SSPN: variants seen among roughly 807,000 people sequenced by gnomAD.
SSPN encodes the protein K-ras oncogene-associated protein.
Under a neutral mutation model 19.1 loss-of-function variants are expected in SSPN, and 15 were observed. The observed-to-expected ratio is 0.78, with a 90% CI of 0.52 to 1.21. The LOEUF (loss-of-function observed/expected upper bound fraction) is 1.21. SSPN is among the 50% of genes most tolerant of loss of function. SSPN has a pLI of 0.00. For missense variants in SSPN, 291 were observed against 314.0 expected, an observed-to-expected ratio of 0.93 and a Z score of 0.55; for synonymous variants, 147 against 140.3, an observed-to-expected ratio of 1.05 and a Z score of -0.34.
intron 1 of SSPN, among the ~76,000 whole-genome samples, chr12:26,221,123 A>C (rs1288521933): frequency 6.6e-6 from 1 of 151,840 alleles, no homozygotes; most frequent in Non-Finnish European, 1.5e-5. Context: ...TTTGCCTTTT[A>C]TTTTTTTTCT....
intron 1 of SSPN, among the ~76,000 whole-genome samples, chr12:26,205,644 G>T (rs1009289750): frequency 1.3e-5 from 2 of 152,170 alleles, no homozygotes; most frequent in African/African-American, 4.8e-5. Context: ...CTCTCAGGGA[G>T]AAACTTGCAG....
chr12:26,139,142 A>C (rs1486016142), intron 1 of SSPN, among the ~76,000 whole-genome samples: 1 of 152,214 alleles, frequency 6.6e-6, no homozygotes, highest in Non-Finnish European at 1.5e-5. Flanking sequence ...ACACTTACAC[A>C]TAAGAATAAA....
chr12:26,128,127 C>T (rs1214362084), intron 1 of SSPN, among the ~76,000 whole-genome samples: 3 of 152,284 alleles, frequency 2.0e-5, no homozygotes, highest in South Asian at 2.1e-4. Flanking sequence ...GGACCCTGGA[C>T]GACTCTTACA....
intron 1 of SSPN, among the ~76,000 whole-genome samples, chr12:26,166,019 A>G (rs1223021222): frequency 1.3e-5 from 2 of 152,184 alleles, no homozygotes; most frequent in African/African-American, 4.8e-5. Flanking sequence ...GATTTTAAGA[A>G]TATGGTTATC....
At chr12:26,193,555 A>G (rs1944801875), upstream of SSPN, among the ~76,000 whole-genome samples, 1 of 152,210 alleles carries the variant, frequency 6.6e-6, no homozygotes, top group African/African-American at 2.4e-5. Flanking sequence ...CCATATTTCC[A>G]TAGGAAAACC....
Position 26,143,782 on chromosome 12 carries a change from G to A in SSPN, c.-31+21630G>A, listed in dbSNP as rs529658267. ...ACAGCAGGAGGTGGGCGGTGGACATGCAAGTAAAGCTTCATCTGTATTTAC... is the reference window on the plus strand; with the variant it reads ...ACAGCAGGAGGTGGGCGGTGGACATACAAGTAAAGCTTCATCTGTATTTAC... On this transcript the variant is annotated intron_variant, in intron 1 of 2. Coordinates refer to the SSPN transcript ENST00000538142. Among the ~76,000 whole-genome samples the A allele has an allele frequency of 5.9e-5, 9 of 152,324 alleles. No individual in the cohort carries two copies. The East Asian group carries it at 1.5e-3, about 26-fold the overall frequency.
chr12:26,198,838 G>T (rs570820123), intron 1 of SSPN, among the ~76,000 whole-genome samples: 1 of 152,142 alleles, frequency 6.6e-6, no homozygotes, highest in African/African-American at 2.4e-5. Flanking sequence ...TTTGGGATAT[G>T]CAGTGATTCA....
upstream of SSPN, among the ~76,000 whole-genome samples, chr12:26,192,661 C>T (rs1944796432): frequency 6.6e-6 from 1 of 152,176 alleles, no homozygotes; most frequent in South Asian, 2.1e-4. Context: ...TGTTGGGAAG[C>T]TGAGCAGGTG....
chr12:26,169,443 G>C (rs1435090618), intron 1 of SSPN, among the ~76,000 whole-genome samples: 1 of 152,082 alleles, frequency 6.6e-6, no homozygotes, highest in Non-Finnish European at 1.5e-5. Context: ...GGGATAGGAG[G>C]CTTAGTATTT....
At chr12:26,141,803 T>A (rs543764993) in intron 1 of SSPN, among the ~76,000 whole-genome samples, 7 of 152,302 alleles carry the variant, frequency 4.6e-5, no homozygotes, top group Non-Finnish European at 7.4e-5. Context: ...GTATGTTTTT[T>A]AAAAAATGCA....
At chr12:26,164,126 C>T (rs1944606700) in intron 1 of SSPN, among the ~76,000 whole-genome samples, 1 of 152,200 alleles carries the variant, frequency 6.6e-6, no homozygotes, top group Non-Finnish European at 1.5e-5. Flanking sequence ...GCATCACATA[C>T]CACTGATAAT....
chr12:26,124,040 A>G (rs765511964), intron 1 of SSPN: 3 of 1,392,776 alleles, frequency 2.2e-6, no homozygotes, highest in African/African-American at 2.8e-5. Context: ...ACGCCCTTGG[A>G]GAGCAGCAAA....
At chr12:26,201,036 T>TA (rs1345999478) in intron 1 of SSPN, among the ~76,000 whole-genome samples, 2 of 61,122 alleles carry the variant, frequency 3.3e-5, no homozygotes, top group South Asian at 8.0e-4. Flanking sequence ...TATATATATA[T>TA]ATATATATAT....
rs561315371 is a variant in SSPN, at chr12:26,124,989, C to A, written c.-31+2837C>A. 21 of 645,326 alleles carry A rather than the reference C, an allele frequency of 3.3e-5. No homozygotes were observed. In the African/African-American group the frequency reaches 3.6e-4, roughly 11 times the overall value. 40.0% of individuals were successfully genotyped at this position (645,326 alleles called of 1,614,324 possible). ...ACACACGCACACACACGCACACTCG[C>A]GCCGGCCCCACTGCGCTGGTAGTTT... is the stretch of plus-strand genomic sequence containing the variant. On this transcript the variant is annotated intron_variant, in intron 1 of 2. Transcript: ENST00000538142.
At chr12:26,137,438 G>A (rs1368943385) in intron 1 of SSPN, among the ~76,000 whole-genome samples, 2 of 151,836 alleles carry the variant, frequency 1.3e-5, no homozygotes, top group South Asian at 2.1e-4. Flanking sequence ...TAAGCTTTAC[G>A]AATACCTGTT....
At chr12:26,151,722 T>C (rs1944526644) in intron 1 of SSPN, among the ~76,000 whole-genome samples, 1 of 152,102 alleles carries the variant, frequency 6.6e-6, no homozygotes, top group Non-Finnish European at 1.5e-5. Flanking sequence ...TCCAGGAGGA[T>C]CTAGTACAAA....
In SSPN at chr12:26,227,982, A is replaced by G. The variant is rs548798274; in HGVS notation, c.367-2729A>G. 3.9e-5 allele frequency among the ~76,000 whole-genome samples: 6 copies of G among 152,354 alleles called. 1 individual carries two copies. The highest frequency in any genetic ancestry group is 1.4e-4 in the African/African-American group (6 of 41,580). On this transcript the variant is annotated intron_variant, in intron 2 of 2. Transcript: ENST00000242729. Reference sequence around the variant, plus strand: ...CAAAATTCCCATTTTCAGCAAATGGATTTTTGTGACTATCATGAATGAGTA... The same window carrying G: ...CAAAATTCCCATTTTCAGCAAATGGGTTTTTGTGACTATCATGAATGAGTA...
intron 1 of SSPN, among the ~76,000 whole-genome samples, chr12:26,210,550 A>T (rs773124045): frequency 1.4e-4 from 21 of 151,628 alleles, no homozygotes; most frequent in Middle Eastern, 6.8e-3. Flanking sequence ...CCCCCTTACA[A>T]TTTATTTATT....
intron 1 of SSPN, among the ~76,000 whole-genome samples, chr12:26,153,345 G>A (rs1305323816): frequency 6.6e-6 from 1 of 152,052 alleles, no homozygotes; most frequent in Non-Finnish European, 1.5e-5. Context: ...CATTTTTATT[G>A]AAGTATTATT....
Sources: allele counts gnomAD v4.1 joint callset (sites outside exome capture counted in the v4.1 genomes callset), GRCh38; gene constraint gnomAD v4.1.1; transcripts MANE v1.5; gene names NCBI Gene and HGNC (gene_info 2026-07-23, HGNC 2026-07-21).